The following ADAM12 variants were observed in gnomAD, a reference collection of about 807,000 sequenced individuals.
ADAM12 encodes the protein disintegrin and metalloproteinase domain-containing protein 12.
ADAM12 carries 70 observed loss-of-function variants against 106.4 expected under a neutral mutation model. That is an observed-to-expected ratio of 0.66 (90% CI 0.54 to 0.80). ADAM12 has a LOEUF of 0.80. Among genes scored for constraint, ADAM12 ranks in the 30% least tolerant of loss-of-function variants. The pLI, the probability that ADAM12 is intolerant of heterozygous loss-of-function variation, is 0.00. For synonymous variants in ADAM12, 420 were observed against 433.5 expected (o/e 0.97, Z 0.39); for missense variants, 1,010 against 1,171.9 (o/e 0.86, Z 2.02).
intron 14 of ADAM12, among the ~76,000 whole-genome samples, chr10:126,060,093 C>T (rs191988862): frequency 5.9e-5 from 9 of 152,224 alleles, no homozygotes; most frequent in Admixed American, 2.6e-4. Context: ...TCTCAGCCAA[C>T]GAGAACGTAC....
Position 126,118,768 on chromosome 10 carries a change from C to A in ADAM12, c.417-544G>T, listed in dbSNP as rs529685038. Among the ~76,000 whole-genome samples the A allele has an allele frequency of 2.2e-4, 33 of 152,276 alleles. No homozygotes were observed. The South Asian group carries it at 3.3e-3, about 15-fold the overall frequency. On this transcript the variant is annotated intron_variant, in intron 5 of 22. Coordinates refer to ENST00000448723, the MANE Select transcript of ADAM12 (RefSeq NM_001288973.2). ...TTTCATCCCTCTCCCGCCTCTTGGC[C>A]TCCCCCTTCTGAGTCTCCAATGTCC...
chr10:126,089,721 C>A (rs542631618), intron 11 of ADAM12, among the ~76,000 whole-genome samples: 3 of 152,120 alleles, frequency 2.0e-5, no homozygotes, highest in Non-Finnish European at 2.9e-5. Flanking sequence ...TCCAGCCCCC[C>A]ACAGCCCCAA....
chr10:126,388,225 C>G lies in ADAM12; in HGVS notation c.-80G>C. The G allele has an allele frequency of 3.4e-6, 4 of 1,190,370 alleles. No individual in the cohort carries two copies. The highest frequency in any genetic ancestry group is 4.2e-6 in the Non-Finnish European group (4 of 961,096). The allele number at this position is 1,190,370 out of a possible 1,614,324, so 73.7% of individuals were successfully genotyped here. ...TCCCACGCGGGCGCCGAGCCGGGGC[C>G]GGGCGTCGCGACCGGAGGGATTTCC... On this transcript the variant is annotated 5_prime_UTR_variant, in exon 1 of 23. Coordinates refer to ENST00000448723, the MANE Select transcript of ADAM12 (RefSeq NM_001288973.2). The surrounding 1 kb of genome is among the most constrained non-coding windows in gnomAD (Gnocchi z 4.4).
chr10:126,345,997 G>GT (rs1160707696), intron 1 of ADAM12, among the ~76,000 whole-genome samples: 6 of 152,076 alleles, frequency 3.9e-5, no homozygotes, highest in Non-Finnish European at 8.8e-5. Flanking sequence ...TTTTTTGAAG[G>GT]TTTTTTTGTG....
chr10:126,111,801 G>C (rs1228517596), intron 6 of ADAM12, among the ~76,000 whole-genome samples: 1 of 152,196 alleles, frequency 6.6e-6, no homozygotes, highest in African/African-American at 2.4e-5. Context: ...GAAGCACTGG[G>C]GGAGTCGCCG....
chr10:126,121,123 T>A (rs1302690209), intron 5 of ADAM12, among the ~76,000 whole-genome samples: 1 of 69,594 alleles, frequency 1.4e-5, no homozygotes, highest in African/African-American at 6.4e-5. Flanking sequence ...ATATATATAG[T>A]ATATATACTA....
intron 11 of ADAM12, among the ~76,000 whole-genome samples, chr10:126,080,123 C>A (rs1315218647): frequency 6.6e-6 from 1 of 152,158 alleles, no homozygotes; most frequent in Admixed American, 6.5e-5. Flanking sequence ...TTCCCTTCCA[C>A]CTGCTTCCAA....
intron 5 of ADAM12, among the ~76,000 whole-genome samples, chr10:126,132,527 C>CT (rs1491132656): frequency 5.0e-5 from 6 of 119,574 alleles, no homozygotes; most frequent in African/African-American, 2.1e-4. Flanking sequence ...CATGAACACC[C>CT]CCCCCCCCTC....
At chr10:126,337,471 G>T (rs1046867826) in intron 1 of ADAM12, among the ~76,000 whole-genome samples, 3 of 152,174 alleles carry the variant, frequency 2.0e-5, no homozygotes, top group African/African-American at 4.8e-5. Flanking sequence ...GAAGCATTCA[G>T]CACAGAAAAA....
intron 1 of ADAM12, among the ~76,000 whole-genome samples, chr10:126,348,404 G>A (rs1855225937): frequency 1.3e-5 from 2 of 152,118 alleles, no homozygotes; most frequent in African/African-American, 4.8e-5. Flanking sequence ...GGAGGATGGG[G>A]GAGGGAAAGG....
At chr10:126,105,841 C>T (rs953936196) in intron 8 of ADAM12, among the ~76,000 whole-genome samples, 1 of 152,240 alleles carries the variant, frequency 6.6e-6, no homozygotes, top group African/African-American at 2.4e-5. Flanking sequence ...AAAGTTGAAT[C>T]TGCAAAGAGT....
intron 16 of ADAM12, among the ~76,000 whole-genome samples, chr10:126,048,863 T>C (rs1207665487): frequency 6.6e-6 from 1 of 152,206 alleles, no homozygotes; most frequent in Non-Finnish European, 1.5e-5. Flanking sequence ...TACAGGGTTC[T>C]AAAAATACAT....
intron 2 of ADAM12, among the ~76,000 whole-genome samples, chr10:126,289,346 C>T (rs906208939): frequency 2.0e-5 from 3 of 152,240 alleles, no homozygotes; most frequent in Non-Finnish European, 4.4e-5. Flanking sequence ...GGCAGAAGGC[C>T]GAGGCCGGGA....
chr10:126,338,005 G>A (rs1470787707), intron 1 of ADAM12, among the ~76,000 whole-genome samples: 1 of 152,196 alleles, frequency 6.6e-6, no homozygotes, highest in Non-Finnish European at 1.5e-5. Flanking sequence ...CCTTGGGCGT[G>A]TTAGAGGACA....
At chr10:126,042,584 A>G (rs866693328) in intron 18 of ADAM12, among the ~76,000 whole-genome samples, 13 of 152,310 alleles carry the variant, frequency 8.5e-5, no homozygotes, top group Middle Eastern at 6.8e-3. Flanking sequence ...CCATATGCAA[A>G]AGCTGTTGCA....
chr10:126,024,987 C>G (rs1183169998), intron 21 of ADAM12, among the ~76,000 whole-genome samples: 2 of 152,074 alleles, frequency 1.3e-5, no homozygotes, highest in African/African-American at 2.4e-5. Context: ...ATTGCAGCAG[C>G]CTTACAGAAG....
intron 11 of ADAM12, among the ~76,000 whole-genome samples, chr10:126,076,940 A>G (rs1322036700): frequency 6.6e-6 from 1 of 152,208 alleles, no homozygotes; most frequent in East Asian, 1.9e-4. Context: ...AGGCATCCAA[A>G]TAGGAAAAGA....
At position 126,388,239 on chromosome 10, in the gene ADAM12, G is replaced by C; in HGVS notation, c.-94C>G. On this transcript the variant is annotated 5_prime_UTR_variant, in exon 1 of 23. Transcript: ENST00000448723. The surrounding 1 kb of genome is among the most constrained non-coding windows in gnomAD (Gnocchi z 4.4). ...CGAGCCGGGGCCGGGCGTCGCGACC[G>C]GAGGGATTTCCTGCCTCGGCGAGTC... 1 of 1,185,878 alleles carries C rather than the reference G, an allele frequency of 8.4e-7. No homozygotes were observed. Among genetic ancestry groups the C allele is most frequent in the Non-Finnish European group, 1.0e-6 (1 of 958,192 alleles). 73.5% of individuals were successfully genotyped at this position (1,185,878 alleles called of 1,614,324 possible).
chr10:126,029,207 A>T (rs1236930114), intron 21 of ADAM12, among the ~76,000 whole-genome samples: 1 of 152,238 alleles, frequency 6.6e-6, no homozygotes, highest in Non-Finnish European at 1.5e-5. Flanking sequence ...AAGACCTAGC[A>T]GCAGAGATGC....
Sources: allele counts gnomAD v4.1 joint callset (sites outside exome capture counted in the v4.1 genomes callset), GRCh38; gene constraint gnomAD v4.1.1; non-coding constraint Gnocchi (gnomAD v3.1); transcripts MANE v1.5; gene names NCBI Gene and HGNC (gene_info 2026-07-23, HGNC 2026-07-21).